Variants in GTF2E1 observed in about 807,000 individuals in gnomAD.
GTF2E1 encodes general transcription factor IIE subunit 1.
Under a neutral mutation model 34.9 loss-of-function variants are expected in GTF2E1, and 14 were observed. The ratio of observed to expected loss-of-function variants is 0.40; its 90% CI spans 0.27 to 0.63. The LOEUF (loss-of-function observed/expected upper bound fraction) is 0.63. GTF2E1 is among the 20% of genes least tolerant of loss of function. The pLI is 0.39. For missense variants in GTF2E1, 469 were observed against 557.7 expected, an observed-to-expected ratio of 0.84 and a Z score of 1.60; for synonymous variants, 188 against 192.9, an observed-to-expected ratio of 0.97 and a Z score of 0.21.
Position 120,772,069 on chromosome 3 carries a change from G to A in GTF2E1, c.650+1140G>A, listed in dbSNP as rs371190197. Reference sequence around the variant, plus strand: ...GTTGATTATCCTCTTGGGACCATGAGGGGAGCTAGTCTAATATGGCCATGT... The same window carrying A: ...GTTGATTATCCTCTTGGGACCATGAAGGGAGCTAGTCTAATATGGCCATGT... On this transcript the variant is annotated intron_variant, in intron 3 of 4. Transcript: ENST00000283875. Among the ~76,000 whole-genome samples, 133 of 152,264 alleles carry A rather than the reference G, an allele frequency of 8.7e-4. 1 individual carries two copies. The highest frequency in any genetic ancestry group is 3.1e-3 in the African/African-American group (129 of 41,574).
rs1338013531 is a variant in GTF2E1, at chr3:120,750,919, A to G, written c.367A>G (p.Asn123Asp). 1 of 1,614,042 alleles carries G rather than the reference A, an allele frequency of 6.2e-7. No homozygotes were observed. Among genetic ancestry groups the G allele is most frequent in the Non-Finnish European group, 8.5e-7 (1 of 1,179,904 alleles). ...RIETDERDST[N>D]RASFKCPVCS... is the part of the protein sequence containing the mutation. ...TGAGACCGATGAGAGAGATTCGACC[A>G]ACCGGGCTTCCTTCAAATGTCCTGT... Residue 123 changes from asparagine to aspartate, a missense_variant, in exon 2 of 5, where the codon AAC becomes GAC. Asn to Asp is a conservative substitution (Grantham distance 23). Coordinates refer to ENST00000283875, the MANE Select transcript of GTF2E1 (RefSeq NM_005513.3).
intron 2 of GTF2E1, among the ~76,000 whole-genome samples, chr3:120,765,955 G>C (rs1440265690): frequency 1.2e-4 from 18 of 152,012 alleles, no homozygotes; most frequent in Admixed American, 1.2e-3. Flanking sequence ...CCATTTCTGG[G>C]TTTTGCCTTC....
At chr3:120,746,810 AAC>A (rs773322835) in intron 1 of GTF2E1, among the ~76,000 whole-genome samples, 7 of 152,314 alleles carry the variant, frequency 4.6e-5, no homozygotes, top group Admixed American at 1.3e-4. Context: ...TGAAAAGAAA[AAC>A]AAATTCCCTG....
chr3:120,749,710 A>G (rs1157315299), intron 1 of GTF2E1: 3 of 152,166 alleles, frequency 2.0e-5, no homozygotes, highest in Admixed American at 1.3e-4. Flanking sequence ...ATATTGGTCT[A>G]AAATTCTCCT....
At chr3:120,769,250 C>T (rs1709332834) in intron 2 of GTF2E1, among the ~76,000 whole-genome samples, 2 of 148,860 alleles carry the variant, frequency 1.3e-5, no homozygotes, top group East Asian at 2.0e-4. Flanking sequence ...TAATAGTATT[C>T]TTGTCCAGTT....
chr3:120,766,222 A>G (rs1029139519), intron 2 of GTF2E1, among the ~76,000 whole-genome samples: 1 of 152,154 alleles, frequency 6.6e-6, no homozygotes, highest in Admixed American at 6.5e-5. Context: ...CATTTGTGGC[A>G]TGGAGCCTGA....
chr3:120,771,793 T>A (rs928806737), intron 3 of GTF2E1, among the ~76,000 whole-genome samples: 1 of 152,192 alleles, frequency 6.6e-6, no homozygotes, highest in Non-Finnish European at 1.5e-5. Flanking sequence ...AAATTTTGTA[T>A]CTGTAAGAGT....
At chr3:120,755,848 T>A (rs1015807242) in intron 2 of GTF2E1, among the ~76,000 whole-genome samples, 2 of 152,158 alleles carry the variant, frequency 1.3e-5, no homozygotes, top group African/African-American at 2.4e-5. Context: ...TCCCACAGAT[T>A]AGTGAGAAGG....
intron 2 of GTF2E1, among the ~76,000 whole-genome samples, chr3:120,769,087 C>A (rs1393357013): frequency 6.6e-6 from 1 of 151,694 alleles, no homozygotes. Context: ...ATTCTCATAT[C>A]TAAATTTGTA....
chr3:120,772,108 AC>A (rs1035827323), intron 3 of GTF2E1, among the ~76,000 whole-genome samples: 6 of 152,166 alleles, frequency 3.9e-5, no homozygotes, highest in Non-Finnish European at 8.8e-5. Context: ...TCTAGGTATC[AC>A]GTGCAGATGA....
At chr3:120,779,573 A>G (rs1329791785) in intron 4 of GTF2E1, among the ~76,000 whole-genome samples, 1 of 152,166 alleles carries the variant, frequency 6.6e-6, no homozygotes, top group Non-Finnish European at 1.5e-5. Flanking sequence ...TGTGCCTTCT[A>G]AAATGTCCAG....
At chr3:120,761,298 A>G (rs896628121) in intron 2 of GTF2E1, among the ~76,000 whole-genome samples, 1 of 151,160 alleles carries the variant, frequency 6.6e-6, no homozygotes, top group Non-Finnish European at 1.5e-5. Context: ...CATCTATTTG[A>G]TTCTTCTCTC....
chr3:120,756,921 A>G (rs1008635999), intron 2 of GTF2E1, among the ~76,000 whole-genome samples: 19 of 152,126 alleles, frequency 1.2e-4, no homozygotes, highest in Admixed American at 1.1e-3. Context: ...GTGAAACTTC[A>G]TCTCAGAAAA....
chr3:120,747,452 G>A (rs1709117030), intron 1 of GTF2E1, among the ~76,000 whole-genome samples: 1 of 152,074 alleles, frequency 6.6e-6, no homozygotes, highest in Admixed American at 6.5e-5. Flanking sequence ...CTGTGTCCAT[G>A]TGTTCTCATT....
chr3:120,753,982 A>G (rs1322515695), intron 2 of GTF2E1, among the ~76,000 whole-genome samples: 1 of 152,252 alleles, frequency 6.6e-6, no homozygotes, highest in Non-Finnish European at 1.5e-5. Context: ...TATGTAATCA[A>G]AACAAAAACA....
rs757539661 is a variant in GTF2E1 at position 120,770,903 on chromosome 3, C to T, written c.624C>T (p.Pro208=). 1 of 1,613,436 alleles carries T rather than the reference C, an allele frequency of 6.2e-7. No individual in the cohort carries two copies. Among genetic ancestry groups the T allele is most frequent in the Non-Finnish European group, 8.5e-7 (1 of 1,179,488 alleles). Residue 208 remains proline, a synonymous_variant, in exon 3 of 5, where the codon CCC becomes CCT. Coordinates refer to ENST00000283875, the MANE Select transcript of GTF2E1 (RefSeq NM_005513.3). The part of the protein sequence containing the change: ...NLAYEILEPE[P]TEIPALKQSK... ...CCTATGAAATACTTGAGCCAGAACC[C>T]ACAGAAATCCCAGCCCTGAAACAGA... is the stretch of plus-strand genomic sequence containing the variant.
chr3:120,750,600 G>A lies in GTF2E1; in HGVS notation c.48G>A (p.Arg16=), dbSNP rs943707697. ...VLTEVPAALK[R]LAKYVIRGFY... is the part of the protein sequence containing the mutation. The stretch of plus-strand genomic sequence containing the variant: ...CTGAAGTTCCAGCAGCATTGAAGCG[G>A]TTAGCCAAGTATGTGATCCGGGGAT... The change falls in exon 2 of 5, where the codon CGG becomes CGA. Residue 16 remains arginine, a synonymous_variant. Coordinates refer to ENST00000283875, the MANE Select transcript of GTF2E1 (RefSeq NM_005513.3). 5.6e-6 allele frequency: 9 copies of A among 1,613,960 alleles called. No homozygotes were observed. Among genetic ancestry groups the A allele is most frequent in the Non-Finnish European group, 7.6e-6 (9 of 1,179,880 alleles).
At chr3:120,767,492 T>C (rs1709319563) in intron 2 of GTF2E1, among the ~76,000 whole-genome samples, 1 of 152,196 alleles carries the variant, frequency 6.6e-6, no homozygotes, top group African/African-American at 2.4e-5. Flanking sequence ...CTCTTTCCTG[T>C]AACACAACCC....
chr3:120,754,495 T>C (rs540421719), intron 2 of GTF2E1, among the ~76,000 whole-genome samples: 24 of 152,222 alleles, frequency 1.6e-4, no homozygotes, highest in African/African-American at 5.8e-4. Flanking sequence ...TTTGGGCACT[T>C]TGGGGGTATC....
Sources: gnomAD v4.1 joint callset for allele counts (sites outside exome capture counted in the v4.1 genomes callset) on GRCh38, gnomAD v4.1.1 for gene constraint, MANE v1.5 for transcripts, NCBI Gene and HGNC (gene_info 2026-07-23, HGNC 2026-07-21) for gene names.